HDAC9: variants seen among roughly 807,000 people sequenced by gnomAD.
HDAC9 encodes the protein MEF-2 interacting transcription repressor (MITR) protein.
Under a neutral mutation model 139.4 loss-of-function variants are expected in HDAC9, and 41 were observed. The ratio of observed to expected loss-of-function variants is 0.29; its 90% confidence interval spans 0.23 to 0.38. The LOEUF (loss-of-function observed/expected upper bound fraction) is 0.38, where lower values mean the gene tolerates loss of function less well. Ranked by LOEUF, HDAC9 falls within the 10% of genes least tolerant of loss-of-function variation. The probability of loss-of-function intolerance (pLI) is 1.00; values close to 1 mark genes in which losing one functional copy is unlikely to be tolerated. For missense variants in HDAC9, 1,147 were observed against 1,297.0 expected (o/e 0.88, Z 1.78); for synonymous variants, 517 against 476.2 (o/e 1.09, Z -1.12).
chr7:18,660,706 C>G (rs965677285), intron 11 of HDAC9, among the ~76,000 whole-genome samples: 8 of 152,040 alleles, frequency 5.3e-5, no homozygotes, highest in African/African-American at 1.9e-4. Context: ...AGGAGCCAGT[C>G]AGGCATGTAA....
chr7:18,971,102 C>A (rs1784214496), intron 24 of HDAC9, among the ~76,000 whole-genome samples: 1 of 152,202 alleles, frequency 6.6e-6, no homozygotes, highest in African/African-American at 2.4e-5. Context: ...CCATCTATGG[C>A]CCTCACCTCT....
intron 2 of HDAC9, among the ~76,000 whole-genome samples, chr7:18,512,888 A>G (rs1801989961): frequency 6.6e-6 from 1 of 152,224 alleles, no homozygotes; most frequent in African/African-American, 2.4e-5. Flanking sequence ...CCTAGATGTC[A>G]AGTCATACAA....
In HDAC9 at chr7:18,800,614, C is replaced by T. The variant is rs540166751; in HGVS notation, c.2322+7162C>T. ...TAAGGAGGCTGAAGTGGGTGGATTA[C>T]TTGAGCTCAGGAGTTTGAGACCTGC... On this transcript the variant is annotated intron_variant, in intron 17 of 25. Coordinates refer to ENST00000686413, the MANE Select transcript of HDAC9 (RefSeq NM_178425.4). Among the ~76,000 whole-genome samples the T allele has an allele frequency of 2.0e-3, 312 of 152,210 alleles. 1 individual carries two copies. Among genetic ancestry groups the T allele is most frequent in the African/African-American group, 6.9e-3 (287 of 41,538 alleles).
intron 1 of HDAC9, among the ~76,000 whole-genome samples, chr7:18,129,878 C>T (rs999903382): frequency 7.2e-5 from 11 of 152,060 alleles, no homozygotes; most frequent in South Asian, 2.1e-4. Context: ...GGAGAGCATC[C>T]GGTTTCAAGT....
intron 2 of HDAC9, among the ~76,000 whole-genome samples, chr7:18,284,879 C>A (rs1797336905): frequency 6.6e-6 from 1 of 152,120 alleles, no homozygotes; most frequent in African/African-American, 2.4e-5. Context: ...ACATGATTTT[C>A]AGCACTCTGA....
chr7:18,601,313 ACTTT>A (rs1833881041), intron 6 of HDAC9, among the ~76,000 whole-genome samples: 1 of 152,214 alleles, frequency 6.6e-6, no homozygotes, highest in African/African-American at 2.4e-5. Context: ...TTGTATATTA[ACTTT>A]CTATCTTGCC....
intron 1 of HDAC9, among the ~76,000 whole-genome samples, chr7:18,323,633 G>C (rs569405121): frequency 4.6e-5 from 7 of 152,094 alleles, no homozygotes; most frequent in Non-Finnish European, 1.0e-4. Context: ...CCTAAGTTTT[G>C]GGGATCAACA....
chr7:18,398,278 A>G (rs777727684), intron 1 of HDAC9, among the ~76,000 whole-genome samples: 2 of 152,206 alleles, frequency 1.3e-5, no homozygotes, highest in Non-Finnish European at 2.9e-5. Flanking sequence ...TTAATAATGA[A>G]CAATATCAGT....
At chr7:18,236,312 C>A (rs1793811109) in intron 2 of HDAC9, among the ~76,000 whole-genome samples, 1 of 152,090 alleles carries the variant, frequency 6.6e-6, no homozygotes, top group Non-Finnish European at 1.5e-5. Flanking sequence ...TTGTTGCTTC[C>A]TGAAGTTTGA....
At chr7:18,261,526 G>A (rs142009393) in intron 2 of HDAC9, among the ~76,000 whole-genome samples, 1 of 152,218 alleles carries the variant, frequency 6.6e-6, no homozygotes, top group East Asian at 1.9e-4. Context: ...AAACTGTCAG[G>A]CTGTTACTCT....
intron 1 of HDAC9, among the ~76,000 whole-genome samples, chr7:18,125,873 TA>T (rs1186645520): frequency 6.6e-6 from 1 of 152,186 alleles, no homozygotes; most frequent in Non-Finnish European, 1.5e-5. Flanking sequence ...AAAAACTATT[TA>T]AAAATGTGAA....
chr7:18,181,897 A>G lies in HDAC9; in HGVS notation c.25+19548A>G, dbSNP rs181228719. On this transcript the variant is annotated intron_variant, in intron 2 of 12. Transcript: ENST00000417496. ...AATACTGTAAGTTTTCTCAGGATAT[A>G]TAGAAACAAAATAGTTTGGATACTC... is the stretch of plus-strand genomic sequence containing the variant. 8.9e-4 allele frequency among the ~76,000 whole-genome samples: 136 copies of G among 152,240 alleles called. 2 individuals carry two copies. Among genetic ancestry groups the G allele is most frequent in the Non-Finnish European group, 1.0e-3 (69 of 68,050 alleles).
intron 2 of HDAC9, among the ~76,000 whole-genome samples, chr7:18,517,447 T>A (rs1375678368): frequency 1.3e-5 from 2 of 152,220 alleles, no homozygotes; most frequent in South Asian, 2.1e-4. Flanking sequence ...GATCAGCTTG[T>A]GTGATGCGAG....
intron 22 of HDAC9, among the ~76,000 whole-genome samples, chr7:18,905,740 T>C (rs1313812395): frequency 6.6e-6 from 1 of 152,244 alleles, no homozygotes; most frequent in Non-Finnish European, 1.5e-5. Flanking sequence ...CTAGAAGTAT[T>C]TCAGCCATCT....
intron 8 of HDAC9, among the ~76,000 whole-genome samples, chr7:18,639,455 TTTTTTTG>T (rs930405423): frequency 2.4e-4 from 36 of 152,178 alleles, no homozygotes; most frequent in African/African-American, 2.9e-4. Flanking sequence ...ATGATCTTTC[TTTTTTTG>T]TTTTTTGTTT....
intron 16 of HDAC9, among the ~76,000 whole-genome samples, chr7:18,771,179 G>T (rs1339454517): frequency 6.6e-6 from 1 of 152,094 alleles, no homozygotes. Flanking sequence ...GCTCTAAAAG[G>T]TTTAATGAAG....
At chr7:18,579,260 C>T (rs778783296) in intron 2 of HDAC9, among the ~76,000 whole-genome samples, 1 of 152,112 alleles carries the variant, frequency 6.6e-6, no homozygotes, top group African/African-American at 2.4e-5. Context: ...GTATCTACTC[C>T]TGTTGAAATT....
intron 11 of HDAC9, among the ~76,000 whole-genome samples, chr7:18,656,859 C>CA (rs1327954474): frequency 1.3e-5 from 2 of 152,100 alleles, no homozygotes; most frequent in African/African-American, 4.8e-5. Context: ...GAGGAACCTC[C>CA]AGACTGTTCT....
intron 1 of HDAC9, among the ~76,000 whole-genome samples, chr7:18,432,877 G>A (rs1790812744): frequency 6.6e-6 from 1 of 151,946 alleles, no homozygotes; most frequent in Non-Finnish European, 1.5e-5. Flanking sequence ...CATGAACCCG[G>A]GAGGCGGAGC....
Sources: gnomAD v4.1 joint callset for allele counts (sites outside exome capture counted in the v4.1 genomes callset) on GRCh38, gnomAD v4.1.1 for gene constraint, MANE v1.5 for transcripts, NCBI Gene and HGNC (gene_info 2026-07-23, HGNC 2026-07-21) for gene names.